Variants in SLCO6A1 observed in about 807,000 individuals in gnomAD.
SLCO6A1 encodes the protein cancer/testis antigen 48.
In SLCO6A1, 65 loss-of-function variants were observed where a neutral mutation model predicts 72.7. That is an observed-to-expected ratio of 0.89 (90% CI 0.73 to 1.10). The LOEUF is 1.10. SLCO6A1 is among the 50% of genes least tolerant of loss of function. SLCO6A1 has a pLI of 0.00. For missense variants in SLCO6A1, 874 were observed against 872.6 expected (o/e 1.00, Z -0.02); for synonymous variants, 314 against 298.2 (o/e 1.05, Z -0.55).
chr5:102,432,068 T>TC (rs1749250699), intron 7 of SLCO6A1, among the ~76,000 whole-genome samples: 1 of 152,150 alleles, frequency 6.6e-6, no homozygotes, highest in African/African-American at 2.4e-5. Context: ...TCATTCATTT[T>TC]CCCCTTCAGT....
intron 7 of SLCO6A1, among the ~76,000 whole-genome samples, chr5:102,424,866 C>T (rs778819973): frequency 6.6e-6 from 1 of 152,014 alleles, no homozygotes; most frequent in Non-Finnish European, 1.5e-5. Context: ...TGGGAAAATC[C>T]TCAACAAAAT....
intron 10 of SLCO6A1, 121 bp from the exon 11 acceptor site, chr5:102,391,166 G>T: frequency 2.2e-6 from 2 of 903,544 alleles, no homozygotes; most frequent in South Asian, 3.1e-5. Context: ...AGAATCTTTA[G>T]CCAATTGACA....
At chr5:102,438,536 T>G in intron 7 of SLCO6A1, 81 bp downstream of exon 7, 1 of 1,135,018 alleles carries the variant, frequency 8.8e-7, no homozygotes, top group Non-Finnish European at 1.2e-6. Context: ...CTTTATATTT[T>G]TATTTATTTC....
rs144283127 is a variant in SLCO6A1, at chr5:102,492,186, G to T, written c.358+6301C>A. On this transcript the variant is annotated intron_variant, in intron 1 of 13. Transcript: ENST00000506729. ...CATTGGGGATGACAAGTCAACATAA[G>T]ATTTGGGCAGGGACACAAATCCAAA... Among the ~76,000 whole-genome samples, 2 of 152,300 alleles carry T rather than the reference G, an allele frequency of 1.3e-5. 1 individual carries two copies. The highest frequency in any genetic ancestry group is 3.9e-4 in the East Asian group (2 of 5,184).
In SLCO6A1 at chr5:102,484,391, T is replaced by C. The variant is rs572815315; in HGVS notation, c.359-3957A>G. On this transcript the variant is annotated intron_variant, in intron 1 of 13. Transcript: ENST00000506729. ...CTGGCTGGGTGCAGTGGCTCACACCTGTAATCCCAGCAGTTTGGGAGGCCG... is the reference window on the plus strand; with the variant it reads ...CTGGCTGGGTGCAGTGGCTCACACCCGTAATCCCAGCAGTTTGGGAGGCCG... Among the ~76,000 whole-genome samples, 22 of 152,292 alleles carry C rather than the reference T, an allele frequency of 1.4e-4. No homozygotes were observed. The South Asian group carries it at 1.5e-3, about 10-fold the overall frequency.
At chr5:102,394,006 G>T (rs1746919140) in intron 10 of SLCO6A1, among the ~76,000 whole-genome samples, 1 of 152,122 alleles carries the variant, frequency 6.6e-6, no homozygotes, top group Non-Finnish European at 1.5e-5. Context: ...TCTTCCAGTT[G>T]TGACCCCCAA....
At chr5:102,453,447 C>T (rs1417041212) in intron 6 of SLCO6A1, among the ~76,000 whole-genome samples, 5 of 152,156 alleles carry the variant, frequency 3.3e-5, no homozygotes, top group Non-Finnish European at 7.4e-5. Flanking sequence ...ACATCCAACA[C>T]CTGAGCCACC....
intron 4 of SLCO6A1, among the ~76,000 whole-genome samples, chr5:102,471,364 C>T (rs1195531928): frequency 2.0e-5 from 3 of 152,030 alleles, no homozygotes; most frequent in African/African-American, 7.2e-5. Context: ...ATTAAGTGAA[C>T]AACCTTAATA....
At chr5:102,406,402 T>C (rs973958829) in intron 9 of SLCO6A1, among the ~76,000 whole-genome samples, 2 of 152,066 alleles carry the variant, frequency 1.3e-5, no homozygotes, top group East Asian at 1.9e-4. Flanking sequence ...GATAAATGAA[T>C]AGTTCATCAA....
rs570196318 is a variant in SLCO6A1 at position 102,390,899 on chromosome 5, T to C, written c.1879+82A>G. 1.7e-5 allele frequency: 20 copies of C among 1,155,498 alleles called. No individual in the cohort carries two copies. In the African/African-American group the frequency reaches 2.8e-4, roughly 16 times the overall value. 71.6% of individuals were successfully genotyped at this position (1,155,498 alleles called of 1,614,324 possible). The stretch of plus-strand genomic sequence containing the variant: ...CTTTGTGTCATTTACTATTATTTAT[T>C]TGTAATACTAAATACACATGTAGAC... On this transcript the variant is annotated intron_variant, in intron 11 of 13. Coordinates refer to ENST00000506729, the MANE Select transcript of SLCO6A1 (RefSeq NM_173488.5).
chr5:102,405,138 C>G (rs1580364116), intron 9 of SLCO6A1, among the ~76,000 whole-genome samples: 1 of 151,954 alleles, frequency 6.6e-6, no homozygotes. Context: ...TCTCATCCCT[C>G]CAACTGATTA....
At chr5:102,406,353 G>T (rs983104143) in intron 9 of SLCO6A1, among the ~76,000 whole-genome samples, 4 of 151,788 alleles carry the variant, frequency 2.6e-5, no homozygotes, top group Non-Finnish European at 5.9e-5. Context: ...TCAAGAAAAA[G>T]AATATTATTA....
At chr5:102,434,364 G>A (rs949091167) in intron 7 of SLCO6A1, among the ~76,000 whole-genome samples, 5 of 152,048 alleles carry the variant, frequency 3.3e-5, no homozygotes, top group African/African-American at 1.2e-4. Flanking sequence ...TAAAAGACCT[G>A]GGTTCCCTAA....
In SLCO6A1 at chr5:102,398,600, G is replaced by T. The variant is rs183465398; in HGVS notation, c.1814+955C>A. 2.2e-3 allele frequency among the ~76,000 whole-genome samples: 328 copies of T among 152,196 alleles called. 4 individuals are homozygous for T. Among genetic ancestry groups the T allele is most frequent in the African/African-American group, 7.6e-3 (317 of 41,526 alleles). On this transcript the variant is annotated intron_variant, in intron 10 of 13. Coordinates refer to ENST00000506729, the MANE Select transcript of SLCO6A1 (RefSeq NM_173488.5). ...CTGATCACTTTCGCTCTTGAGGTTT[G>T]CAGTTTTCAGTGGTTCCCAGGTGTG...
chr5:102,373,032 C>T lies in SLCO6A1; in HGVS notation c.*15+305G>A, dbSNP rs548766047. Among the ~76,000 whole-genome samples, 14 of 151,930 alleles carry T rather than the reference C, an allele frequency of 9.2e-5. No individual in the cohort carries two copies. The East Asian group carries it at 2.5e-3, about 27-fold the overall frequency. ...AGCTAAAAAGGGAACCTAATTAATT[C>T]CAAATAGCAAAGGCCAACAACTAAT... On this transcript the variant is annotated intron_variant, in intron 13 of 13. Coordinates refer to ENST00000506729, the MANE Select transcript of SLCO6A1 (RefSeq NM_173488.5).
intron 12 of SLCO6A1, among the ~76,000 whole-genome samples, chr5:102,383,236 T>A (rs139798669): frequency 6.6e-6 from 1 of 151,190 alleles, no homozygotes; most frequent in Non-Finnish European, 1.5e-5. Context: ...CCCACACATA[T>A]TGAATAGAAG....
At chr5:102,496,822 G>C (rs1043156265) in intron 1 of SLCO6A1, among the ~76,000 whole-genome samples, 1 of 152,076 alleles carries the variant, frequency 6.6e-6, no homozygotes, top group African/African-American at 2.4e-5. Context: ...AGCCAAACTT[G>C]TCATTCACTA....
intron 7 of SLCO6A1, among the ~76,000 whole-genome samples, chr5:102,436,441 A>T (rs970586083): frequency 3.3e-5 from 5 of 152,214 alleles, no homozygotes; most frequent in African/African-American, 1.2e-4. Flanking sequence ...AGTCAAGCAA[A>T]AAAATGTCTC....
chr5:102,412,666 T>G (rs573733654), intron 9 of SLCO6A1, among the ~76,000 whole-genome samples: 1 of 151,574 alleles, frequency 6.6e-6, no homozygotes, highest in Admixed American at 6.6e-5. Flanking sequence ...TAGGCTGAGG[T>G]GGGAGGATGG....
Sources: allele counts gnomAD v4.1 joint callset (sites outside exome capture counted in the v4.1 genomes callset), GRCh38; gene constraint gnomAD v4.1.1; transcripts MANE v1.5; gene names NCBI Gene and HGNC (gene_info 2026-07-23, HGNC 2026-07-21).